ZBTB20: variants seen among roughly 807,000 people sequenced by gnomAD.
ZBTB20 encodes the protein zinc finger and BTB domain containing 20.
A neutral mutation model predicts 56.9 loss-of-function variants in ZBTB20; 9 were observed. The ratio of observed to expected loss-of-function variants is 0.16; its 90% CI spans 0.10 to 0.28. The LOEUF (loss-of-function observed/expected upper bound fraction) is 0.28. ZBTB20 is among the 10% of genes least tolerant of loss of function. ZBTB20 has a pLI of 1.00. For missense variants in ZBTB20, 655 were observed against 1,003.0 expected (o/e 0.65, Z 4.69); for synonymous variants, 417 against 420.7 (o/e 0.99, Z 0.11).
At chr3:114,885,756 G>C (rs1233579666) in intron 4 of ZBTB20, among the ~76,000 whole-genome samples, 2 of 151,870 alleles carry the variant, frequency 1.3e-5, no homozygotes, top group Non-Finnish European at 2.9e-5. Context: ...TTCTGGCAGG[G>C]AAGCCTAAGC....
chr3:115,009,269 T>C (rs150638322), intron 2 of ZBTB20, among the ~76,000 whole-genome samples: 1 of 152,004 alleles, frequency 6.6e-6, no homozygotes, highest in East Asian at 2.0e-4. Flanking sequence ...TGGTTAAAAA[T>C]TGTGTGAGTA....
chr3:114,913,632 G>C (rs1327550337), intron 3 of ZBTB20, among the ~76,000 whole-genome samples: 4 of 151,140 alleles, frequency 2.6e-5, no homozygotes, highest in African/African-American at 9.7e-5. Context: ...TTGTGCTTAT[G>C]GGGTATTAAG....
intron 11 of ZBTB20, among the ~76,000 whole-genome samples, chr3:114,346,136 T>C (rs955260665): frequency 6.6e-6 from 1 of 152,200 alleles, no homozygotes; most frequent in African/African-American, 2.4e-5. Flanking sequence ...CTTTTACTGT[T>C]ATAAAAATTG....
intron 4 of ZBTB20, among the ~76,000 whole-genome samples, chr3:114,833,999 C>T (rs1443470944): frequency 6.6e-6 from 1 of 151,914 alleles, no homozygotes; most frequent in African/African-American, 2.4e-5. Flanking sequence ...TCTATTTTTC[C>T]CAAAGCAATC....
chr3:114,710,968 C>A (rs2108437913), intron 5 of ZBTB20, among the ~76,000 whole-genome samples: 1 of 152,274 alleles, frequency 6.6e-6, no homozygotes, highest in South Asian at 2.1e-4. Flanking sequence ...GTTCCTACTC[C>A]AAAGTCTTTA....
intron 2 of ZBTB20, among the ~76,000 whole-genome samples, chr3:115,067,625 A>G (rs969229245): frequency 6.6e-6 from 1 of 152,082 alleles, no homozygotes; most frequent in Non-Finnish European, 1.5e-5. Flanking sequence ...TGATACAGAG[A>G]AATAAAAACT....
intron 6 of ZBTB20, among the ~76,000 whole-genome samples, chr3:114,632,606 G>A (rs574099529): frequency 6.6e-6 from 1 of 152,220 alleles, no homozygotes; most frequent in African/African-American, 2.4e-5. Context: ...TTTGTACTGT[G>A]CCCTGTGGTG....
chr3:114,565,746 A>G (rs1461708484), intron 6 of ZBTB20, among the ~76,000 whole-genome samples: 2 of 151,860 alleles, frequency 1.3e-5, no homozygotes, highest in Non-Finnish European at 2.9e-5. Context: ...GCATTGTTTC[A>G]TGGAAAATGC....
intron 5 of ZBTB20, among the ~76,000 whole-genome samples, chr3:114,710,499 C>T (rs957021439): frequency 2.0e-5 from 3 of 152,172 alleles, no homozygotes; most frequent in African/African-American, 7.2e-5. Flanking sequence ...GCTCATTTCT[C>T]CATATCCCCT....
At chr3:114,502,314 A>C (rs2044083952) in intron 6 of ZBTB20, among the ~76,000 whole-genome samples, 1 of 152,190 alleles carries the variant, frequency 6.6e-6, no homozygotes, top group South Asian at 2.1e-4. Context: ...CCAGCAATTA[A>C]AGACATCACC....
chr3:114,839,180 TG>T (rs1184084833), intron 4 of ZBTB20, among the ~76,000 whole-genome samples: 2 of 152,062 alleles, frequency 1.3e-5, no homozygotes, highest in East Asian at 3.9e-4. Flanking sequence ...GTGGGCAGAT[TG>T]TTTGAGCTCA....
chr3:114,452,528 C>T (rs886633305), intron 7 of ZBTB20, among the ~76,000 whole-genome samples: 6 of 152,154 alleles, frequency 3.9e-5, no homozygotes, highest in South Asian at 2.1e-4. Flanking sequence ...TAAGGTTTCC[C>T]GAAAAGACTC....
intron 3 of ZBTB20, among the ~76,000 whole-genome samples, chr3:114,922,140 A>T (rs1031625529): frequency 6.6e-6 from 1 of 152,178 alleles, no homozygotes; most frequent in South Asian, 2.1e-4. Flanking sequence ...TGCTTTCTTG[A>T]TAAAAAGCCT....
chr3:114,760,526 CA>C (rs2068360164), intron 5 of ZBTB20, among the ~76,000 whole-genome samples: 1 of 152,126 alleles, frequency 6.6e-6, no homozygotes, highest in African/African-American at 2.4e-5. Flanking sequence ...TTACTAGAAG[CA>C]GAGCACCAGT....
At chr3:114,344,800 G>A (rs1197232639) in intron 11 of ZBTB20, among the ~76,000 whole-genome samples, 6 of 152,144 alleles carry the variant, frequency 3.9e-5, no homozygotes, top group Admixed American at 3.9e-4. Context: ...ACATTGTTAT[G>A]CTACTATTGT....
At chr3:114,500,059 T>C (rs2043769311) in intron 7 of ZBTB20, among the ~76,000 whole-genome samples, 1 of 152,198 alleles carries the variant, frequency 6.6e-6, no homozygotes, top group South Asian at 2.1e-4. Context: ...GGCTGAATAA[T>C]GTAAGCTATA....
In ZBTB20 at chr3:114,586,978, G is replaced by A. The variant is rs546970239; in HGVS notation, c.-294-86587C>T. Reference sequence around the variant, plus strand: ...GGTACTGAATTTATACATAACTCTAGGTATAACTCCCTTTTTTTTTTTTTT... The same window carrying A: ...GGTACTGAATTTATACATAACTCTAAGTATAACTCCCTTTTTTTTTTTTTT... On this transcript the variant is annotated intron_variant, in intron 6 of 11. Coordinates refer to ENST00000675478, the MANE Select transcript of ZBTB20 (RefSeq NM_001348800.3). Among the ~76,000 whole-genome samples the A allele has an allele frequency of 8.8e-5, 13 of 147,202 alleles. 1 individual carries two copies. Among genetic ancestry groups the A allele is most frequent in the African/African-American group, 2.7e-4 (11 of 40,144 alleles).
intron 4 of ZBTB20, among the ~76,000 whole-genome samples, chr3:114,854,249 A>AACTAGAAAATG (rs1340613640): frequency 6.6e-6 from 1 of 152,206 alleles, no homozygotes. Context: ...GTATACTAAC[A>AACTAGAAAATG]ACTAGAAAAT....
At chr3:114,787,688 T>A (rs141806910) in intron 5 of ZBTB20, among the ~76,000 whole-genome samples, 2 of 152,076 alleles carry the variant, frequency 1.3e-5, no homozygotes, top group Non-Finnish European at 1.5e-5. Context: ...CATAGAACTG[T>A]ATACCAAGAA....
Sources: gnomAD v4.1 joint callset for allele counts (sites outside exome capture counted in the v4.1 genomes callset) on GRCh38, gnomAD v4.1.1 for gene constraint, MANE v1.5 for transcripts, NCBI Gene and HGNC (gene_info 2026-07-23, HGNC 2026-07-21) for gene names.